The following FGFR3 variants were observed in gnomAD, a reference collection of about 807,000 sequenced individuals.
The protein encoded by FGFR3 is FGFR-3.
Under a neutral mutation model 82.9 loss-of-function variants are expected in FGFR3, and 25 were observed. The ratio of observed to expected loss-of-function variants is 0.30; its 90% CI spans 0.22 to 0.42. The LOEUF is 0.42. Ranked by LOEUF, FGFR3 falls within the 10% of genes least tolerant of loss-of-function variation. The pLI, the probability that FGFR3 is intolerant of heterozygous loss-of-function variation, is 1.00. For synonymous variants in FGFR3, 620 were observed against 516.0 expected (o/e 1.20, Z -2.73); for missense variants, 1,026 against 1,161.0 (o/e 0.88, Z 1.69).
At chr4:1,805,727 G>A (rs537022299) in intron 12 of FGFR3, 23 bp from the exon 13 acceptor site, 18 of 1,611,970 alleles carry the variant, frequency 1.1e-5, no homozygotes, top group African/African-American at 8.0e-5. Flanking sequence ...CTGGCAGCCC[G>A]TCTGAGGAGC....
chr4:1,802,944 G>A (rs764395593), intron 7 of FGFR3: 17 of 1,602,632 alleles, frequency 1.1e-5, no homozygotes, highest in African/African-American at 5.4e-5. Context: ...GGAGGCCGAC[G>A]TGCGCCTCCG....
rs961544756 is a variant in FGFR3, at chr4:1,803,840, C to T, written c.1075+4C>T. Reference sequence around the variant, plus strand: ...GCGTGGCTGGTGGTGCTGCCAGGTACCGGCTTCTGCTGCTGCTGCTGCTCC... The same window carrying T: ...GCGTGGCTGGTGGTGCTGCCAGGTATCGGCTTCTGCTGCTGCTGCTGCTCC... On this transcript the variant is annotated splice_donor_region_variant and intron_variant, in intron 8 of 17. Coordinates refer to ENST00000440486, the MANE Select transcript of FGFR3 (RefSeq NM_000142.5). 6.8e-6 allele frequency: 11 copies of T among 1,613,082 alleles called. No individual in the cohort carries two copies. In the African/African-American group the frequency reaches 9.3e-5, roughly 14 times the overall value.
intron 2 of FGFR3, among the ~76,000 whole-genome samples, chr4:1,795,766 G>T (rs1343007759): frequency 1.3e-5 from 2 of 152,126 alleles, no homozygotes; most frequent in African/African-American, 4.8e-5. Flanking sequence ...ACACAAGGTC[G>T]GCTCTCCCAC....
chr4:1,797,482 C>A (rs1335055243), intron 2 of FGFR3, among the ~76,000 whole-genome samples: 1 of 152,224 alleles, frequency 6.6e-6, no homozygotes, highest in African/African-American at 2.4e-5. Flanking sequence ...CCCCCGTCCC[C>A]CCGTGCTGGA....
chr4:1,801,350 C>G lies in FGFR3; in HGVS notation c.446-17C>G. 1 of 1,548,448 alleles carries G rather than the reference C, an allele frequency of 6.5e-7. No homozygotes were observed. The highest frequency in any genetic ancestry group is 8.7e-7 in the Non-Finnish European group (1 of 1,149,074). Reference sequence around the variant, plus strand: ...TCCCACTCGGGTCATGGCCTTCACACGCACCTCGGCCCGCAGGGGCCCCTT... The same window carrying G: ...TCCCACTCGGGTCATGGCCTTCACAGGCACCTCGGCCCGCAGGGGCCCCTT... On this transcript the variant is annotated splice_polypyrimidine_tract_variant and intron_variant, in intron 4 of 17. Coordinates refer to ENST00000440486, the MANE Select transcript of FGFR3 (RefSeq NM_000142.5).
At chr4:1,795,807 G>T (rs890164784) in intron 2 of FGFR3, among the ~76,000 whole-genome samples, 2 of 152,180 alleles carry the variant, frequency 1.3e-5, no homozygotes, top group African/African-American at 4.8e-5. Flanking sequence ...GGGTCTGGGG[G>T]TGCAGGGCCT....
At chr4:1,794,578 G>A (rs1349453928) in intron 2 of FGFR3, among the ~76,000 whole-genome samples, 1 of 152,146 alleles carries the variant, frequency 6.6e-6, no homozygotes, top group Non-Finnish European at 1.5e-5. Flanking sequence ...CCTGGGGGCC[G>A]AGGGCGCTTC....
In FGFR3 at chr4:1,806,887, C is replaced by T. The variant is rs2108814591; in HGVS notation, c.2227C>T (p.Gln743Ter). ...GCCCTCCCAGAGGCCCACCTTCAAG[C>T]AGCTGGTGGAGGACCTGGACCGTGT... ...AAPSQRPTFK[Q>*]LVEDLDRVLT... Residue 743 changes from glutamine (Q) to a stop codon, truncating the protein, a stop_gained, in exon 17 of 18, where the codon CAG becomes TAG. Coordinates refer to ENST00000440486, the MANE Select transcript of FGFR3 (RefSeq NM_000142.5). LOFTEE classifies it low-confidence loss of function (END_TRUNC). The T allele has an allele frequency of 6.2e-7, 1 of 1,611,780 alleles. No homozygotes were observed. Among genetic ancestry groups the T allele is most frequent in the Non-Finnish European group, 8.5e-7 (1 of 1,179,602 alleles).
chr4:1,797,174 C>G (rs879477867), intron 2 of FGFR3, among the ~76,000 whole-genome samples: 1 of 152,144 alleles, frequency 6.6e-6, no homozygotes, highest in Non-Finnish European at 1.5e-5. Flanking sequence ...AAGAAAGAAC[C>G]CTTCCTAGGG....
Position 1,807,385 on chromosome 4 carries a change from G to T in FGFR3, c.*123G>T. On this transcript the variant is annotated 3_prime_UTR_variant, in exon 18 of 18. Coordinates refer to ENST00000440486, the MANE Select transcript of FGFR3 (RefSeq NM_000142.5). The stretch of plus-strand genomic sequence containing the variant: ...AGACAGCTACACAGAGCTTTGGTCT[G>T]TGTGTGTGTGTGTGCGTGTGTGTGT... The T allele has an allele frequency of 4.0e-6, 3 of 756,256 alleles. No individual in the cohort carries two copies. Among genetic ancestry groups the T allele is most frequent in the Non-Finnish European group, 5.1e-6 (3 of 584,194 alleles). The allele number at this position is 756,256 out of a possible 1,614,324, so 46.8% of individuals were successfully genotyped here. A position where few individuals can be genotyped will look rare whatever the true frequency, so the allele number is the denominator to read the frequency against.
intron 2 of FGFR3, among the ~76,000 whole-genome samples, chr4:1,794,902 C>T (rs3135841): frequency 0.17 from 25,410 of 151,344 alleles, 3,129 homozygotes; most frequent in African/African-American, 0.35. Context: ...CGCGCCCCAC[C>T]CGGGCCGAGG....
chr4:1,803,846 TCTG>T lies in FGFR3; in HGVS notation c.1075+25_1075+27del, dbSNP rs759782828. The stretch of plus-strand genomic sequence containing the variant: ...CTGGTGGTGCTGCCAGGTACCGGCT[TCTG>T]CTGCTGCTGCTGCTCCGCACTGTCT... On this transcript the variant is annotated intron_variant, in intron 8 of 17. Coordinates refer to ENST00000440486, the MANE Select transcript of FGFR3 (RefSeq NM_000142.5). 2.7e-5 allele frequency: 43 copies of T among 1,609,470 alleles called. No individual in the cohort carries two copies. The highest frequency in any genetic ancestry group is 3.3e-5 in the South Asian group (3 of 91,034).
intron 7 of FGFR3, among the ~76,000 whole-genome samples, 194 bp from the exon 8 acceptor site, chr4:1,803,498 C>T (rs1286214936): frequency 6.6e-6 from 1 of 152,264 alleles, no homozygotes; most frequent in East Asian, 1.9e-4. Flanking sequence ...GGTGGAGGGG[C>T]CTGGCTTCGG....
intron 10 of FGFR3, 124 bp from the exon 11 acceptor site, chr4:1,805,231 A>C (rs1014099815): frequency 1.3e-6 from 2 of 1,537,044 alleles, no homozygotes; most frequent in South Asian, 1.2e-5. Flanking sequence ...TAGGGGGAGC[A>C]TGGAGGGCTT....
chr4:1,808,283 C>T lies in FGFR3; in HGVS notation c.*1021C>T, dbSNP rs1005619607. ...CCAGCCTGCCCCGGAGCTGGAGGAT[C>T]CCCTCCAAGCCTAAAAGGTTGTTAA... On this transcript the variant is annotated 3_prime_UTR_variant, in exon 18 of 18. Transcript: ENST00000440486. 23 of 232,826 alleles carry T rather than the reference C, an allele frequency of 9.9e-5. No individual in the cohort carries two copies. The highest frequency in any genetic ancestry group is 2.0e-4 in the Non-Finnish European group (23 of 117,684). 14.4% of individuals were successfully genotyped at this position (232,826 alleles called of 1,614,324 possible). A position where few individuals can be genotyped will look rare whatever the true frequency, so the allele number is the denominator to read the frequency against.
chr4:1,802,454 G>A (rs567320328), intron 7 of FGFR3, among the ~76,000 whole-genome samples: 36 of 152,334 alleles, frequency 2.4e-4, no homozygotes, highest in African/African-American at 7.5e-4. Flanking sequence ...CTGTCTGCCC[G>A]CCTCCTGAAG....
intron 8 of FGFR3, among the ~76,000 whole-genome samples, chr4:1,804,120 T>G (rs1372994491): frequency 6.6e-6 from 1 of 152,222 alleles, no homozygotes; most frequent in Non-Finnish European, 1.5e-5. Context: ...GGTGTGGGAC[T>G]GGCTGGCTCT....
intron 10 of FGFR3, 131 bp downstream of exon 10, chr4:1,805,100 C>T: frequency 7.3e-7 from 1 of 1,376,054 alleles, no homozygotes; most frequent in South Asian, 1.4e-5. Flanking sequence ...GGCTGGGGTT[C>T]TGTGGAGATG....
chr4:1,802,909 C>A, intron 7 of FGFR3: 1 of 1,588,276 alleles, frequency 6.3e-7, no homozygotes, highest in East Asian at 2.4e-5. Flanking sequence ...CTCTTGTCCC[C>A]GCAGTCCTGG....
Sources: allele counts gnomAD v4.1 joint callset (sites outside exome capture counted in the v4.1 genomes callset), GRCh38; gene constraint gnomAD v4.1.1; transcripts MANE v1.5; gene names NCBI Gene and HGNC (gene_info 2026-07-23, HGNC 2026-07-21).